Variants in PRIM2 observed in about 807,000 individuals in gnomAD.
PRIM2 encodes the protein DNA primase large subunit.
PRIM2 carries 39 observed loss-of-function variants against 67.3 expected under a neutral mutation model. The ratio of observed to expected loss-of-function variants is 0.58; its 90% CI spans 0.45 to 0.76. The LOEUF (loss-of-function observed/expected upper bound fraction) is 0.76, where lower values mean the gene tolerates loss of function less well. PRIM2 is among the 30% of genes least tolerant of loss of function. The pLI is 0.00. For synonymous variants in PRIM2, 143 were observed against 198.7 expected (o/e 0.72, Z 2.36); for missense variants, 398 against 598.7 (o/e 0.66, Z 3.50).
chr6:57,552,047 G>A (rs1272268278), intron 10 of PRIM2, among the ~76,000 whole-genome samples: 2 of 151,984 alleles, frequency 1.3e-5, no homozygotes, highest in African/African-American at 4.8e-5. Context: ...AAAACCTTTC[G>A]ATATGATTTC....
chr6:57,586,587 G>A (rs1229588986), intron 10 of PRIM2, among the ~76,000 whole-genome samples: 5 of 152,308 alleles, frequency 3.3e-5, no homozygotes, highest in African/African-American at 1.2e-4. Flanking sequence ...CTCACAATGG[G>A]TATTTGTCTG....
chr6:57,492,336 A>G (rs1773913940), intron 7 of PRIM2, among the ~76,000 whole-genome samples: 1 of 152,128 alleles, frequency 6.6e-6, no homozygotes, highest in Non-Finnish European at 1.5e-5. Flanking sequence ...TGAGGTCAGG[A>G]GTTTGAGACC....
At chr6:57,605,350 T>C (rs1206185864) in intron 11 of PRIM2, among the ~76,000 whole-genome samples, 1 of 152,236 alleles carries the variant, frequency 6.6e-6, no homozygotes, top group Non-Finnish European at 1.5e-5. Context: ...GTAGGATTGG[T>C]ACCAATTCTT....
chr6:57,498,753 A>G (rs1774063594), intron 7 of PRIM2, among the ~76,000 whole-genome samples: 1 of 152,162 alleles, frequency 6.6e-6, no homozygotes, highest in Admixed American at 6.6e-5. Flanking sequence ...AACAGTTCAG[A>G]GAAGGGATTC....
chr6:57,629,069 G>C (rs1777002126), intron 12 of PRIM2, among the ~76,000 whole-genome samples: 1 of 152,110 alleles, frequency 6.6e-6, no homozygotes, highest in African/African-American at 2.4e-5. Context: ...CCCTCAGCAA[G>C]TTGTATTAGT....
chr6:57,515,206 A>G (rs1774457447), intron 8 of PRIM2, among the ~76,000 whole-genome samples: 1 of 152,222 alleles, frequency 6.6e-6, no homozygotes, highest in Admixed American at 6.5e-5. Context: ...TCAATCAAGA[A>G]TAGATATATC....
At chr6:57,450,174 C>T (rs371404501) in intron 7 of PRIM2, among the ~76,000 whole-genome samples, 8 of 152,036 alleles carry the variant, frequency 5.3e-5, no homozygotes, top group Non-Finnish European at 1.0e-4. Context: ...TTAATAGTAA[C>T]GTATACAGAT....
chr6:57,347,220 A>G (rs1013844501), intron 5 of PRIM2, among the ~76,000 whole-genome samples: 2 of 152,250 alleles, frequency 1.3e-5, no homozygotes, highest in Middle Eastern at 3.4e-3. Flanking sequence ...AGGCTTCTGT[A>G]TGAATATTGG....
intron 7 of PRIM2, among the ~76,000 whole-genome samples, chr6:57,479,015 A>C (rs1372364007): frequency 3.9e-5 from 6 of 152,162 alleles, no homozygotes; most frequent in Non-Finnish European, 8.8e-5. Flanking sequence ...GTGTGGTGGC[A>C]CATGCCTGTA....
In PRIM2 at chr6:57,340,742, A is replaced by G. The variant is rs1768451153; in HGVS notation, c.459+14697A>G. On this transcript the variant is annotated intron_variant, in intron 5 of 13. Transcript: ENST00000615550. The stretch of plus-strand genomic sequence containing the variant: ...TAGGGGTGAGGGATAGCATTAGGAG[A>G]TATACCTAATGCTAAATGACGAGTT... 2.0e-5 allele frequency among the ~76,000 whole-genome samples: 3 copies of G among 152,134 alleles called. No homozygotes were observed. In the South Asian group the frequency reaches 6.2e-4, roughly 32 times the overall value.
At chr6:57,543,191 G>A (rs1395076230) in intron 10 of PRIM2, among the ~76,000 whole-genome samples, 1 of 151,266 alleles carries the variant, frequency 6.6e-6, no homozygotes, top group Non-Finnish European at 1.5e-5. Flanking sequence ...CGCCCGCCTC[G>A]GCCTCCCAAA....
At chr6:57,559,918 T>A (rs1203349712) in intron 10 of PRIM2, among the ~76,000 whole-genome samples, 1 of 152,142 alleles carries the variant, frequency 6.6e-6, no homozygotes, top group African/African-American at 2.4e-5. Context: ...TGCCTTGATG[T>A]TGATGGCTGC....
chr6:57,429,432 C>G (rs1403025117), intron 7 of PRIM2, among the ~76,000 whole-genome samples: 3 of 152,096 alleles, frequency 2.0e-5, no homozygotes, highest in Non-Finnish European at 4.4e-5. Flanking sequence ...TGACATTGGA[C>G]TAAGTGGACC....
intron 12 of PRIM2, among the ~76,000 whole-genome samples, chr6:57,612,931 G>A (rs1461666501): frequency 2.0e-5 from 3 of 151,614 alleles, no homozygotes; most frequent in Non-Finnish European, 4.4e-5. Context: ...AGTAGCTGAG[G>A]TTACAGCTGC....
intron 7 of PRIM2, among the ~76,000 whole-genome samples, chr6:57,394,230 G>A (rs1436628927): frequency 6.6e-6 from 1 of 152,014 alleles, no homozygotes; most frequent in Non-Finnish European, 1.5e-5. Flanking sequence ...GGATTGCATT[G>A]AATTTGTAGA....
rs1554346899 is a variant in PRIM2 at position 57,501,726 on chromosome 6, T to G, written c.694-5661T>G. ...AAGTTATTTATTTAGCAATAATATC[T>G]TGAAAGGTGTTTAAACACACACTTT... On this transcript the variant is annotated intron_variant, in intron 7 of 13. Transcript: ENST00000615550. Among the ~76,000 whole-genome samples the G allele has an allele frequency of 5.5e-4, 84 of 152,360 alleles. 1 individual carries two copies. In the South Asian group the frequency reaches 0.017, roughly 31 times the overall value.
At chr6:57,386,436 AAAAG>A (rs1770152857) in intron 7 of PRIM2, among the ~76,000 whole-genome samples, 1 of 149,418 alleles carries the variant, frequency 6.7e-6, no homozygotes, top group South Asian at 2.1e-4. Context: ...AAAAAAAAAA[AAAAG>A]AACGAAAGAA....
At chr6:57,320,402 T>C (rs1035468066) in intron 2 of PRIM2, 55 bp from the exon 3 acceptor site, 7 of 1,258,810 alleles carry the variant, frequency 5.6e-6, no homozygotes, top group Non-Finnish European at 6.6e-6. Flanking sequence ...AGATTTTGTC[T>C]TGGATTTAGT....
intron 12 of PRIM2, among the ~76,000 whole-genome samples, chr6:57,611,249 C>T (rs1372867274): frequency 6.6e-6 from 1 of 152,134 alleles, no homozygotes; most frequent in Non-Finnish European, 1.5e-5. Context: ...ACTGCAAATA[C>T]TTTTGTAGCA....
Sources: allele counts gnomAD v4.1 joint callset (sites outside exome capture counted in the v4.1 genomes callset), GRCh38; gene constraint gnomAD v4.1.1; transcripts MANE v1.5; gene names NCBI Gene and HGNC (gene_info 2026-07-23, HGNC 2026-07-21).